The following LRCH3 variants were observed in gnomAD, a reference collection of about 807,000 sequenced individuals.
LRCH3 encodes the protein DISP complex protein LRCH3.
In LRCH3, 68 loss-of-function variants were observed where a neutral mutation model predicts 104.5. The ratio of observed to expected loss-of-function variants is 0.65; its 90% CI spans 0.54 to 0.80. The LOEUF (loss-of-function observed/expected upper bound fraction) is 0.80. LRCH3 is among the 30% of genes least tolerant of loss of function. LRCH3 has a pLI of 0.00. For missense variants in LRCH3, 951 were observed against 953.9 expected (o/e 1.00, Z 0.04); for synonymous variants, 344 against 361.3 (o/e 0.95, Z 0.54).
In LRCH3 at chr3:197,812,504, G is replaced by T. The variant is rs1407908649; in HGVS notation, c.263-2404G>T. Among the ~76,000 whole-genome samples the T allele has an allele frequency of 1.7e-3, 83 of 48,952 alleles. 1 individual carries two copies. The highest frequency in any genetic ancestry group is 9.0e-3 in the South Asian group (8 of 892). The allele number at this position is 48,952 out of a possible 152,430, so 32.1% of individuals were successfully genotyped here. ...ATATCTGTTCAAGTCTCTGCTTTCA[G>T]TTTTTTTTTTTTTTTTTTTTTTTTT... On this transcript the variant is annotated intron_variant, in intron 1 of 20. Transcript: ENST00000425562.
chr3:197,846,719 G>C (rs1166131931), intron 10 of LRCH3, among the ~76,000 whole-genome samples: 1 of 152,148 alleles, frequency 6.6e-6, no homozygotes, highest in African/African-American at 2.4e-5. Flanking sequence ...TGGAGGCCAC[G>C]TCCTAAACGT....
chr3:197,835,070 A>G (rs1208636775), intron 8 of LRCH3, among the ~76,000 whole-genome samples: 8 of 152,108 alleles, frequency 5.3e-5, no homozygotes, highest in African/African-American at 1.9e-4. Context: ...CTTGAACGTG[A>G]GAAGCAGAGG....
intron 1 of LRCH3, among the ~76,000 whole-genome samples, chr3:197,804,580 A>G (rs1732264283): frequency 2.0e-5 from 3 of 152,182 alleles, no homozygotes; most frequent in South Asian, 4.1e-4. Flanking sequence ...CTTTCCACCC[A>G]AAATTGTTAT....
In LRCH3 at chr3:197,797,874, CAAAAAAAACA is replaced by C. The variant is rs1560516899; in HGVS notation, c.262+6343_262+6352del. The stretch of plus-strand genomic sequence containing the variant: ...GACTCCATCTCAAAAAAAAAAAAAA[CAAAAAAAACA>C]AAAAAAAAAACAAAACCAGAAAAAT... On this transcript the variant is annotated intron_variant, in intron 1 of 20. Transcript: ENST00000425562. Among the ~76,000 whole-genome samples, 17 of 15,766 alleles carry C rather than the reference CAAAAAAAACA, an allele frequency of 1.1e-3. No homozygotes were observed. The South Asian group carries it at 0.013, about 12-fold the overall frequency. 10.3% of individuals were successfully genotyped at this position (15,766 alleles called of 152,430 possible).
Position 197,847,964 on chromosome 3 carries a change from GGAGGA to G in LRCH3, c.1476_1480del (p.Glu493AsnfsTer36). On this transcript the variant is annotated frameshift_variant, in exon 12 of 21. Transcript: ENST00000425562. LOFTEE classifies it high-confidence loss of function. ...CTCAGCTTGCTGCCCTGCAGTATGA[GGAGGA>G]GAAAATAAGGACCAAGCAGATCCAG... 6.2e-7 allele frequency: 1 copy of G among 1,614,172 alleles called. No individual in the cohort carries two copies. The highest frequency in any genetic ancestry group is 1.6e-4 in the Middle Eastern group (1 of 6,062).
intron 11 of LRCH3, 47 bp from the exon 12 acceptor site, chr3:197,847,825 T>G: frequency 6.3e-7 from 1 of 1,598,652 alleles, no homozygotes; most frequent in Non-Finnish European, 8.5e-7. Context: ...ATTGGTAACG[T>G]GATCCTCATT....
intron 1 of LRCH3, among the ~76,000 whole-genome samples, chr3:197,792,577 T>TTATATGTATATATATATATATA (rs1730666808): frequency 4.9e-5 from 1 of 20,330 alleles, no homozygotes; most frequent in Non-Finnish European, 1.2e-4. Flanking sequence ...CCAGCTAATT[T>TTATATGTATATATATATATATA]TATATATATA....
intron 14 of LRCH3, among the ~76,000 whole-genome samples, chr3:197,857,661 G>A (rs2109446747): frequency 6.6e-6 from 1 of 152,228 alleles, no homozygotes; most frequent in East Asian, 1.9e-4. Flanking sequence ...TCCACTCCTA[G>A]TTTTCCTTTT....
intron 1 of LRCH3, among the ~76,000 whole-genome samples, chr3:197,805,140 G>T (rs145226535): frequency 7.5e-4 from 114 of 152,232 alleles, no homozygotes; most frequent in African/African-American, 2.6e-3. Flanking sequence ...TGATCTACCC[G>T]CCTTGGCCTC....
intron 20 of LRCH3, chr3:197,881,235 C>G: frequency 1.0e-6 from 1 of 996,204 alleles, no homozygotes; most frequent in African/African-American, 1.7e-5. Context: ...TCCTGAGATC[C>G]TGAATCCCCG....
chr3:197,855,739 C>T (rs562003289), intron 14 of LRCH3, among the ~76,000 whole-genome samples: 8 of 152,278 alleles, frequency 5.3e-5, no homozygotes, highest in African/African-American at 9.6e-5. Context: ...CCCCTTAGTG[C>T]GTAACTTGAA....
intron 8 of LRCH3, among the ~76,000 whole-genome samples, chr3:197,835,247 G>A (rs1046052018): frequency 4.0e-5 from 6 of 151,816 alleles, no homozygotes; most frequent in Admixed American, 1.3e-4. Context: ...GCAGTGGTAC[G>A]GTCTTGGCTC....
rs377726765 is a variant in LRCH3, at chr3:197,826,885, G to A, written c.648G>A (p.Ala216=). ...CATTTTACCTTCTTGCAGAGCTGGC[G>A]GAGTTGCCTTTGATACGGTTAGACT... The part of the protein sequence containing the change: ...NHLVHLPEEL[A]ELPLIRLDFS... Residue 216 remains alanine, a synonymous_variant, in exon 5 of 21, where the codon GCG becomes GCA. Transcript: ENST00000425562. 1.9e-5 allele frequency: 30 copies of A among 1,613,928 alleles called. No individual in the cohort carries two copies. Among genetic ancestry groups the A allele is most frequent in the African/African-American group, 6.7e-5 (5 of 74,876 alleles).
intron 1 of LRCH3, among the ~76,000 whole-genome samples, chr3:197,796,501 A>G (rs369927075): frequency 6.6e-6 from 1 of 152,370 alleles, no homozygotes; most frequent in East Asian, 1.9e-4. Flanking sequence ...AAAAAAGGAT[A>G]GGAGTCCAAG....
In LRCH3 at chr3:197,810,462, T is replaced by G. The variant is rs963768116; in HGVS notation, c.263-4446T>G. Among the ~76,000 whole-genome samples the G allele has an allele frequency of 2.6e-5, 4 of 152,130 alleles. No individual in the cohort carries two copies. Among genetic ancestry groups the G allele is most frequent in the Admixed American group, 2.6e-4 (4 of 15,252 alleles). The stretch of plus-strand genomic sequence containing the variant: ...GCTACCGTGCCTGGCTATTTTATTT[T>G]TAAACTTGGAGAGGTCAGCTCCAAG... On this transcript the variant is annotated intron_variant, in intron 1 of 20. Coordinates refer to ENST00000425562, the MANE Select transcript of LRCH3 (RefSeq NM_001365715.1). The surrounding 1 kb of genome is among the most constrained non-coding windows in gnomAD (Gnocchi z 4.0).
Position 197,866,140 on chromosome 3 carries a change from T to G in LRCH3, c.1794T>G (p.Pro598=). 1.9e-6 allele frequency: 3 copies of G among 1,614,026 alleles called. No individual in the cohort carries two copies. The highest frequency in any genetic ancestry group is 1.7e-5 in the Admixed American group (1 of 60,024). Residue 598 remains proline, a synonymous_variant, in exon 17 of 21, where the codon CCT becomes CCG. Transcript: ENST00000425562. Reference sequence around the variant, plus strand: ...ATCATTCCCCTGCATATTCTTTTCCTGCTGCTATCCAGAGAAATCAGCCTC... The same window carrying G: ...ATCATTCCCCTGCATATTCTTTTCCGGCTGCTATCCAGAGAAATCAGCCTC... The part of the protein sequence containing the change: ...TVHHSPAYSF[P]AAIQRNQPQR...
chr3:197,792,247 C>T (rs1264599634), intron 1 of LRCH3, among the ~76,000 whole-genome samples: 3 of 151,786 alleles, frequency 2.0e-5, no homozygotes, highest in African/African-American at 7.3e-5. Flanking sequence ...CATTAGTTTC[C>T]TCTTCCACTC....
chr3:197,830,861 GAAGT>G lies in LRCH3; in HGVS notation c.981+3_981+6del, dbSNP rs1374410590. 5 of 1,612,002 alleles carry G rather than the reference GAAGT, an allele frequency of 3.1e-6. No individual in the cohort carries two copies. The highest frequency in any genetic ancestry group is 1.7e-4 in the Middle Eastern group (1 of 6,056). Reference sequence around the variant, plus strand: ...TGGTGATAAGAGATGGTCAGGGAATGAAGTAAGTGTTTTTTATGTTCCGTGTGTT... The same window carrying G: ...TGGTGATAAGAGATGGTCAGGGAATGAAGTGTTTTTTATGTTCCGTGTGTT... On this transcript the variant is annotated splice_donor_variant and coding_sequence_variant, in exon 7 of 21. Coordinates refer to ENST00000425562, the MANE Select transcript of LRCH3 (RefSeq NM_001365715.1). LOFTEE classifies it high-confidence loss of function.
chr3:197,875,845 C>G, intron 20 of LRCH3, 70 bp downstream of exon 20: 1 of 1,004,774 alleles, frequency 1.0e-6, no homozygotes, highest in Non-Finnish European at 1.5e-6. Flanking sequence ...AAATGTAAAT[C>G]TCTAAAATCT....
Sources: allele counts gnomAD v4.1 joint callset (sites outside exome capture counted in the v4.1 genomes callset), GRCh38; gene constraint gnomAD v4.1.1; non-coding constraint Gnocchi (gnomAD v3.1); transcripts MANE v1.5; gene names NCBI Gene and HGNC (gene_info 2026-07-23, HGNC 2026-07-21).